Variants in THSD7B observed in about 807,000 individuals in gnomAD.
The protein encoded by THSD7B is thrombospondin type 1 domain containing 7B.
Under a neutral mutation model 213.6 loss-of-function variants are expected in THSD7B, and 138 were observed. That is an observed-to-expected ratio of 0.65 (90% CI 0.56 to 0.74). The LOEUF is 0.74. Among genes scored for constraint, THSD7B ranks in the 30% least tolerant of loss-of-function variants. THSD7B has a pLI of 0.00. For missense variants in THSD7B, 1,931 were observed against 1,991.5 expected (o/e 0.97, Z 0.58); for synonymous variants, 742 against 687.0 (o/e 1.08, Z -1.25).
At chr2:136,820,811 A>C (rs969784672) in intron 1 of THSD7B, among the ~76,000 whole-genome samples, 2 of 152,224 alleles carry the variant, frequency 1.3e-5, no homozygotes, top group Non-Finnish European at 2.9e-5. Flanking sequence ...GTAAAACATT[A>C]TGATGTTGCA....
chr2:136,879,867 G>T (rs1180506791), intron 1 of THSD7B, among the ~76,000 whole-genome samples: 1 of 152,152 alleles, frequency 6.6e-6, no homozygotes, highest in Non-Finnish European at 1.5e-5. Context: ...AAGAGACAAA[G>T]AAGGCCATTA....
chr2:137,179,751 C>T (rs887789792), intron 7 of THSD7B, among the ~76,000 whole-genome samples: 1 of 152,116 alleles, frequency 6.6e-6, no homozygotes, highest in Admixed American at 6.6e-5. Context: ...AATTCCATAG[C>T]TCATAATCAG....
chr2:137,204,649 T>C (rs1327178491), intron 7 of THSD7B, among the ~76,000 whole-genome samples: 1 of 152,120 alleles, frequency 6.6e-6, no homozygotes, highest in East Asian at 1.9e-4. Context: ...GTATGTAACA[T>C]ATGTATTTTT....
At chr2:137,493,509 C>T (rs747456486) in intron 15 of THSD7B, among the ~76,000 whole-genome samples, 2 of 152,142 alleles carry the variant, frequency 1.3e-5, no homozygotes, top group African/African-American at 2.4e-5. Flanking sequence ...CACACTCGTA[C>T]GGTGACACAA....
chr2:136,903,995 C>T (rs552137751), intron 2 of THSD7B, among the ~76,000 whole-genome samples: 9 of 147,118 alleles, frequency 6.1e-5, no homozygotes, highest in Admixed American at 2.7e-4. Context: ...TGAGCTGGGC[C>T]GGCAGCATGA....
intron 1 of THSD7B, 36 bp from the exon 2 acceptor site, chr2:136,882,108 G>T: frequency 7.2e-7 from 1 of 1,382,746 alleles, no homozygotes; most frequent in East Asian, 2.8e-5. Context: ...TTTCTTTACA[G>T]AAGAAACTTA....
At chr2:136,889,078 G>C (rs1683771196) in intron 2 of THSD7B, among the ~76,000 whole-genome samples, 1 of 151,888 alleles carries the variant, frequency 6.6e-6, no homozygotes, top group South Asian at 2.1e-4. Flanking sequence ...GATATAAAAT[G>C]ACTATAAATT....
chr2:137,422,206 G>A (rs1686943408), intron 14 of THSD7B, among the ~76,000 whole-genome samples: 1 of 152,150 alleles, frequency 6.6e-6, no homozygotes, highest in Non-Finnish European at 1.5e-5. Context: ...AAACTATTGG[G>A]CAAAATATTG....
intron 14 of THSD7B, among the ~76,000 whole-genome samples, chr2:137,442,500 C>T (rs1352124183): frequency 6.6e-6 from 1 of 151,904 alleles, no homozygotes; most frequent in Admixed American, 6.6e-5. Context: ...TCATGTCTAT[C>T]TTGGGTTGGC....
At chr2:137,451,099 T>C in intron 15 of THSD7B, 76 bp downstream of exon 15, 1 of 1,397,362 alleles carries the variant, frequency 7.2e-7, no homozygotes, top group South Asian at 1.6e-5. Context: ...ATTGAAGTCA[T>C]TCTCTTATTA....
At position 137,233,083 on chromosome 2, in the gene THSD7B, T is replaced by A. The variant is rs1558967625; in HGVS notation, c.2100T>A (p.Thr700=). The change falls in exon 9 of 28, where the codon ACT becomes ACA. Residue 700 remains threonine (T), a synonymous_variant. Transcript: ENST00000409968. ...GEATCGVGIQ[T]RRVFCVKSHV... is the part of the protein sequence containing the mutation. ...CCACGTGTGGTGTAGGCATTCAGAC[T>A]CGGAGAGTCTTCTGTGTCAAGAGTC... 1 of 1,613,886 alleles carries A rather than the reference T, an allele frequency of 6.2e-7. No individual in the cohort carries two copies. Among genetic ancestry groups the A allele is most frequent in the East Asian group, 2.2e-5 (1 of 44,868 alleles).
intron 15 of THSD7B, among the ~76,000 whole-genome samples, chr2:137,526,353 T>G (rs1680278027): frequency 6.6e-6 from 1 of 152,156 alleles, no homozygotes; most frequent in African/African-American, 2.4e-5. Context: ...CTCAATGAGT[T>G]TTCAGTTTAT....
chr2:137,043,991 G>A (rs1446721338), intron 2 of THSD7B, among the ~76,000 whole-genome samples: 2 of 152,000 alleles, frequency 1.3e-5, no homozygotes, highest in South Asian at 2.1e-4. Context: ...CTCACTCCAC[G>A]CTCCTCTAGG....
In THSD7B at chr2:137,146,288, T is replaced by C. The variant is rs553143296; in HGVS notation, c.1370-13925T>C. On this transcript the variant is annotated intron_variant, in intron 5 of 27. Coordinates refer to ENST00000409968, the MANE Select transcript of THSD7B (RefSeq NM_001316349.2). ...TACAGGCAATACACAGGTGCTGAGA[T>C]GCACTGTAGTCAAATTAAAAAGATA... 1.4e-4 allele frequency among the ~76,000 whole-genome samples: 21 copies of C among 152,202 alleles called. No homozygotes were observed. In the East Asian group the frequency reaches 3.5e-3, roughly 25 times the overall value.
At chr2:137,558,019 G>A (rs561759284) in intron 15 of THSD7B, among the ~76,000 whole-genome samples, 46 of 152,304 alleles carry the variant, frequency 3.0e-4, no homozygotes, top group Middle Eastern at 6.8e-3. Flanking sequence ...CCAGGAAGAA[G>A]TTGAATTCCT....
chr2:136,852,756 A>C (rs1448933846), intron 1 of THSD7B, among the ~76,000 whole-genome samples: 6 of 152,120 alleles, frequency 3.9e-5, no homozygotes, highest in Admixed American at 3.3e-4. Context: ...GAGCACTCTA[A>C]ATATTTTTAT....
At chr2:137,341,521 C>T (rs1372263872) in intron 12 of THSD7B, among the ~76,000 whole-genome samples, 2 of 151,392 alleles carry the variant, frequency 1.3e-5, no homozygotes, top group East Asian at 3.9e-4. Context: ...AAAATCATTG[C>T]CTAGATCAAT....
chr2:137,610,872 A>C (rs1183406583), intron 17 of THSD7B, among the ~76,000 whole-genome samples: 1 of 151,804 alleles, frequency 6.6e-6, no homozygotes, highest in Non-Finnish European at 1.5e-5. Flanking sequence ...AAAGAAGAAA[A>C]CCGTTTCATC....
chr2:136,972,669 G>A (rs1685422457), intron 2 of THSD7B, among the ~76,000 whole-genome samples: 1 of 152,056 alleles, frequency 6.6e-6, no homozygotes. Flanking sequence ...ATATACTTTA[G>A]ACACACTTAT....
Sources: allele counts gnomAD v4.1 joint callset (sites outside exome capture counted in the v4.1 genomes callset), GRCh38; gene constraint gnomAD v4.1.1; transcripts MANE v1.5; gene names NCBI Gene and HGNC (gene_info 2026-07-23, HGNC 2026-07-21).